Variants in ATP8A1 observed in about 807,000 individuals in gnomAD.
The protein encoded by ATP8A1 is phospholipid-transporting ATPase IA.
A neutral mutation model predicts 177.7 loss-of-function variants in ATP8A1; 90 were observed. The observed-to-expected ratio is 0.51, with a 90% CI of 0.43 to 0.60. ATP8A1 has a LOEUF of 0.60. ATP8A1 is among the 20% of genes least tolerant of loss of function. The pLI is 0.00. For synonymous variants in ATP8A1, 493 were observed against 485.9 expected, an observed-to-expected ratio of 1.01 and a Z score of -0.19; for missense variants, 1,072 against 1,392.8, an observed-to-expected ratio of 0.77 and a Z score of 3.67.
chr4:42,581,660 T>C lies in ATP8A1; in HGVS notation c.795A>G (p.Gly265=), dbSNP rs1419523454. The part of the protein sequence containing the change: ...AQLRNTQWVH[G]IVVYTGHDTK... Reference sequence around the variant, plus strand: ...TGTCATGTCCAGTGTAGACAACTATTCCATGAACCCACTGTGTATTTCTCA... The same window carrying C: ...TGTCATGTCCAGTGTAGACAACTATCCCATGAACCCACTGTGTATTTCTCA... Residue 265 remains glycine, a synonymous_variant, in exon 10 of 37, where the codon GGA becomes GGG. Coordinates refer to ENST00000381668, the MANE Select transcript of ATP8A1 (RefSeq NM_006095.2). 6.2e-7 allele frequency: 1 copy of C among 1,614,128 alleles called. No individual in the cohort carries two copies. The highest frequency in any genetic ancestry group is 1.7e-5 in the Admixed American group (1 of 60,020).
At chr4:42,639,854 TGTA>T (rs553701208) in intron 1 of ATP8A1, among the ~76,000 whole-genome samples, 129 of 152,338 alleles carry the variant, frequency 8.5e-4, no homozygotes, top group African/African-American at 2.8e-3. Context: ...TATAAAGTGA[TGTA>T]GTATTTCAAA....
rs574280996 is a variant in ATP8A1 at position 42,648,716 on chromosome 4, G to C, written c.49+8109C>G. Among the ~76,000 whole-genome samples the C allele has an allele frequency of 1.1e-4, 16 of 151,976 alleles. No individual in the cohort carries two copies. The South Asian group carries it at 3.3e-3, about 32-fold the overall frequency. ...ACATGTTAAAGCACTACAAAGTTAA[G>C]ATAAACTATGAATAAGGAAAAAAGG... On this transcript the variant is annotated intron_variant, in intron 1 of 36. Transcript: ENST00000381668.
At chr4:42,480,289 T>A (rs1721540786) in intron 25 of ATP8A1, among the ~76,000 whole-genome samples, 1 of 152,132 alleles carries the variant, frequency 6.6e-6, no homozygotes. Context: ...GAGCAGATGA[T>A]TATTATGTTA....
chr4:42,644,888 T>C (rs1740374508), intron 1 of ATP8A1, among the ~76,000 whole-genome samples: 1 of 151,472 alleles, frequency 6.6e-6, no homozygotes, highest in Admixed American at 6.6e-5. Flanking sequence ...ATATACTCCT[T>C]GAAAAAAAAA....
intron 22 of ATP8A1, among the ~76,000 whole-genome samples, chr4:42,516,706 G>A (rs1422938367): frequency 1.3e-5 from 2 of 151,954 alleles, no homozygotes; most frequent in East Asian, 3.8e-4. Context: ...TATAAAATAA[G>A]GAAGAAAGAC....
At chr4:42,599,994 ATTAATCT>A (rs1481609476) in intron 6 of ATP8A1, among the ~76,000 whole-genome samples, 2 of 152,228 alleles carry the variant, frequency 1.3e-5, no homozygotes, top group African/African-American at 4.8e-5. Context: ...CTATAAACAA[ATTAATCT>A]TTGATGTTAA....
intron 5 of ATP8A1, among the ~76,000 whole-genome samples, chr4:42,604,382 C>A (rs1233019618): frequency 6.6e-6 from 1 of 152,076 alleles, no homozygotes; most frequent in Non-Finnish European, 1.5e-5. Context: ...AGAAACCTTC[C>A]CTATTATACT....
At chr4:42,549,121 A>G in intron 18 of ATP8A1, 59 bp from the exon 19 acceptor site, 3 of 1,360,756 alleles carry the variant, frequency 2.2e-6, no homozygotes, top group Non-Finnish European at 3.1e-6. Flanking sequence ...GCTTCTAGGA[A>G]ATAAATCCTA....
chr4:42,423,137 T>C (rs1577901629), intron 34 of ATP8A1, among the ~76,000 whole-genome samples: 1 of 152,158 alleles, frequency 6.6e-6, no homozygotes, highest in East Asian at 1.9e-4. Flanking sequence ...TTTAAATAAA[T>C]ATCATGTAAT....
At chr4:42,507,780 TAAAAAAAA>T in intron 22 of ATP8A1, among the ~76,000 whole-genome samples, 13 of 17,700 alleles carry the variant, frequency 7.3e-4, no homozygotes, top group Non-Finnish European at 1.3e-3. Context: ...ACAGGCATTC[TAAAAAAAA>T]AAAAAAAAAA....
intron 22 of ATP8A1, among the ~76,000 whole-genome samples, chr4:42,517,470 G>A (rs1427443230): frequency 6.6e-6 from 1 of 152,090 alleles, no homozygotes; most frequent in African/African-American, 2.4e-5. Flanking sequence ...TCTCTCAAGT[G>A]GTGACAAAAA....
chr4:42,466,177 A>G (rs1485523731), intron 25 of ATP8A1, among the ~76,000 whole-genome samples: 1 of 152,202 alleles, frequency 6.6e-6, no homozygotes, highest in African/African-American at 2.4e-5. Context: ...TTGTTCTAAC[A>G]AACAGTTAAG....
intron 24 of ATP8A1, among the ~76,000 whole-genome samples, chr4:42,487,129 T>C (rs1722276222): frequency 1.3e-5 from 2 of 152,208 alleles, no homozygotes; most frequent in African/African-American, 4.8e-5. Context: ...GATTTCATGA[T>C]GTTGTATTTA....
At chr4:42,490,011 G>T (rs1722586576) in intron 24 of ATP8A1, among the ~76,000 whole-genome samples, 1 of 152,172 alleles carries the variant, frequency 6.6e-6, no homozygotes, top group African/African-American at 2.4e-5. Flanking sequence ...CAGAGACATT[G>T]CAAGGTAAAG....
At chr4:42,417,177 T>C (rs1347294943) in intron 35 of ATP8A1, among the ~76,000 whole-genome samples, 1 of 152,168 alleles carries the variant, frequency 6.6e-6, no homozygotes, top group Non-Finnish European at 1.5e-5. Flanking sequence ...CTTACACCTT[T>C]GGGGAACTAC....
chr4:42,512,466 T>C (rs1405220004), intron 22 of ATP8A1, among the ~76,000 whole-genome samples: 2 of 152,158 alleles, frequency 1.3e-5, no homozygotes. Flanking sequence ...CATTCACAAA[T>C]ATACTCCAAG....
At chr4:42,472,158 C>T (rs974559094) in intron 25 of ATP8A1, 1 of 627,620 alleles carries the variant, frequency 1.6e-6, no homozygotes, top group East Asian at 3.4e-5. Flanking sequence ...GCAAAAACAT[C>T]CTAGGAGCTG....
At chr4:42,644,175 C>T (rs1221755132) in intron 1 of ATP8A1, among the ~76,000 whole-genome samples, 1 of 152,108 alleles carries the variant, frequency 6.6e-6, no homozygotes. Flanking sequence ...CGTATTAAGG[C>T]TTAGTTAAAA....
At chr4:42,643,019 A>T (rs1207132225) in intron 1 of ATP8A1, among the ~76,000 whole-genome samples, 2 of 152,074 alleles carry the variant, frequency 1.3e-5, no homozygotes, top group African/African-American at 4.8e-5. Context: ...TAATATATCC[A>T]CTCTGGAAAA....
Sources: gnomAD v4.1 joint callset for allele counts (sites outside exome capture counted in the v4.1 genomes callset) on GRCh38, gnomAD v4.1.1 for gene constraint, MANE v1.5 for transcripts, NCBI Gene and HGNC (gene_info 2026-07-23, HGNC 2026-07-21) for gene names.